ZBTB7C: variants seen among roughly 807,000 people sequenced by gnomAD.
The protein encoded by ZBTB7C is zinc finger and BTB domain containing 7C, also known as zinc finger and BTB domain-containing protein 7C.
Under a neutral mutation model 25.7 loss-of-function variants are expected in ZBTB7C, and 8 were observed. The observed-to-expected ratio is 0.31, with a 90% CI of 0.18 to 0.56. The LOEUF is 0.56. ZBTB7C is among the 20% of genes least tolerant of loss of function. ZBTB7C has a pLI of 0.91. For synonymous variants in ZBTB7C, 394 were observed against 369.0 expected, an observed-to-expected ratio of 1.07 and a Z score of -0.78; for missense variants, 824 against 855.2, an observed-to-expected ratio of 0.96 and a Z score of 0.46.
chr18:48,037,194 AGTG>A (rs966103244), intron 4 of ZBTB7C, among the ~76,000 whole-genome samples: 2 of 152,208 alleles, frequency 1.3e-5, no homozygotes, highest in Non-Finnish European at 2.9e-5. Flanking sequence ...AGTGGGAACA[AGTG>A]GTGGGGGTGC....
At chr18:48,095,568 C>T (rs7229933) in intron 3 of ZBTB7C, among the ~76,000 whole-genome samples, 1 of 151,894 alleles carries the variant, frequency 6.6e-6, no homozygotes, top group Admixed American at 6.6e-5. Context: ...AAAAATTAGC[C>T]AGGGGTGGTG....
At chr18:48,199,142 T>C (rs1159038571) in intron 2 of ZBTB7C, among the ~76,000 whole-genome samples, 3 of 152,218 alleles carry the variant, frequency 2.0e-5, no homozygotes, top group Non-Finnish European at 4.4e-5. Context: ...TTTTTTTCTC[T>C]CTGAAGGTTC....
chr18:48,040,662 T>G lies in ZBTB7C; in HGVS notation c.446A>C (p.Asp149Ala), dbSNP rs765970230. ...KEDDDDDEDD[D>A]DEEDEEEEEE... The stretch of plus-strand genomic sequence containing the variant: ...CTCCTCCTCTTCGTCCTCCTCATCA[T>G]CATCATCTTCGTCGTCGTCATCGTC... The change falls in exon 4 of 5, where the codon GAT (aspartate) becomes GCT (alanine). Residue 149 changes from aspartate (D) to alanine (A), a missense_variant. Transcript: ENST00000590800. 1 of 1,613,806 alleles carries G rather than the reference T, an allele frequency of 6.2e-7. No individual in the cohort carries two copies. The highest frequency in any genetic ancestry group is 1.1e-5 in the South Asian group (1 of 91,038).
chr18:48,293,740 C>T (rs1406810917), intron 2 of ZBTB7C, among the ~76,000 whole-genome samples: 2 of 152,136 alleles, frequency 1.3e-5, no homozygotes, highest in African/African-American at 2.4e-5. Context: ...CTAGTAGTCT[C>T]AGTCACTTCG....
At chr18:48,327,151 T>C (rs979776160) in intron 2 of ZBTB7C, among the ~76,000 whole-genome samples, 1 of 152,094 alleles carries the variant, frequency 6.6e-6, no homozygotes, top group East Asian at 1.9e-4. Flanking sequence ...TGGCCTGGTC[T>C]CTCTGTCTCT....
At chr18:48,358,217 T>A (rs1440994201) in intron 1 of ZBTB7C, among the ~76,000 whole-genome samples, 5 of 152,130 alleles carry the variant, frequency 3.3e-5, no homozygotes, top group Non-Finnish European at 4.4e-5. Flanking sequence ...CCAGACATGG[T>A]GGCGGGCACC....
chr18:48,078,133 G>T (rs945727667), intron 3 of ZBTB7C, among the ~76,000 whole-genome samples: 13 of 152,150 alleles, frequency 8.5e-5, no homozygotes, highest in Admixed American at 2.0e-4. Context: ...TCACTAAGAT[G>T]GCCCTCTGGC....
intron 2 of ZBTB7C, among the ~76,000 whole-genome samples, chr18:48,266,920 T>C (rs983812109): frequency 1.3e-5 from 2 of 152,118 alleles, no homozygotes; most frequent in African/African-American, 4.8e-5. Flanking sequence ...TAAAAGGACA[T>C]TGGGTCTTCA....
At chr18:48,119,006 TA>T (rs200679579) in intron 3 of ZBTB7C, among the ~76,000 whole-genome samples, 5 of 152,142 alleles carry the variant, frequency 3.3e-5, no homozygotes, top group Middle Eastern at 3.2e-3. Context: ...ATTTTATAAC[TA>T]AAAAAAATTT....
chr18:48,220,922 T>G (rs941976597), intron 2 of ZBTB7C, among the ~76,000 whole-genome samples: 3 of 151,944 alleles, frequency 2.0e-5, no homozygotes, highest in South Asian at 2.1e-4. Context: ...ACTCTCTCCC[T>G]CTGTACTGTC....
intron 2 of ZBTB7C, among the ~76,000 whole-genome samples, chr18:48,266,590 T>C (rs369434582): frequency 1.3e-5 from 2 of 152,326 alleles, no homozygotes; most frequent in African/African-American, 4.8e-5. Flanking sequence ...AGAAATCTCA[T>C]TGCAATAGCA....
In ZBTB7C at chr18:48,408,757, G is replaced by C. The variant is rs953165058; in HGVS notation, c.-304+469C>G. The C allele has an allele frequency of 4.0e-5, 6 of 151,862 alleles. No homozygotes were observed. In the South Asian group the frequency reaches 6.2e-4, roughly 16 times the overall value. 9.4% of individuals were successfully genotyped at this position (151,862 alleles called of 1,614,324 possible). ...GCAGAAACCACCTGTGGCTGCCGAC[G>C]GGCCCGCCCCGCTCGGGCCCGCAGG... On this transcript the variant is annotated intron_variant, in intron 1 of 4. Transcript: ENST00000590800.
At chr18:48,137,232 G>C in intron 3 of ZBTB7C, 1 of 985,552 alleles carries the variant, frequency 1.0e-6, no homozygotes, top group Non-Finnish European at 1.2e-6. Flanking sequence ...GAGCCCCTTT[G>C]GTCCACCTGT....
chr18:48,381,140 T>C (rs905755958), intron 1 of ZBTB7C, among the ~76,000 whole-genome samples: 10 of 152,242 alleles, frequency 6.6e-5, no homozygotes, highest in Admixed American at 4.6e-4. Flanking sequence ...GTATGTTCCA[T>C]GTACTTCTTC....
intron 1 of ZBTB7C, among the ~76,000 whole-genome samples, chr18:48,378,296 G>A (rs573029726): frequency 5.3e-5 from 8 of 152,256 alleles, no homozygotes; most frequent in Admixed American, 5.2e-4. Flanking sequence ...AAGTAGAACT[G>A]AGGAGAGATC....
chr18:48,303,534 A>G (rs1459183999), intron 2 of ZBTB7C, among the ~76,000 whole-genome samples: 2 of 152,058 alleles, frequency 1.3e-5, no homozygotes, highest in Non-Finnish European at 1.5e-5. Context: ...AATACAAACT[A>G]CTCCACAAAA....
chr18:48,347,296 C>T (rs1453865187), intron 1 of ZBTB7C, among the ~76,000 whole-genome samples: 1 of 141,576 alleles, frequency 7.1e-6, no homozygotes, highest in Non-Finnish European at 1.6e-5. Context: ...TGATCGGCCT[C>T]CCAAAGTGCT....
chr18:48,355,255 T>C (rs1050737078), intron 1 of ZBTB7C, among the ~76,000 whole-genome samples: 3 of 152,114 alleles, frequency 2.0e-5, no homozygotes, highest in Non-Finnish European at 4.4e-5. Flanking sequence ...AGAAATCCAG[T>C]GAGGCTGGAG....
intron 2 of ZBTB7C, among the ~76,000 whole-genome samples, chr18:48,200,016 GTGTGT>G (rs1568297640): frequency 1.4e-5 from 2 of 138,890 alleles, no homozygotes; most frequent in African/African-American, 5.3e-5. Flanking sequence ...GTGTGTGTGT[GTGTGT>G]AATTTTTTTT....
Sources: gnomAD v4.1 joint callset for allele counts (sites outside exome capture counted in the v4.1 genomes callset) on GRCh38, gnomAD v4.1.1 for gene constraint, MANE v1.5 for transcripts, NCBI Gene and HGNC (gene_info 2026-07-23, HGNC 2026-07-21) for gene names.